The following KIAA0825 variants were observed in gnomAD, a reference collection of about 807,000 sequenced individuals.
KIAA0825 encodes KIAA0825, also known as uncharacterized protein KIAA0825.
In KIAA0825, 119 loss-of-function variants were observed where a neutral mutation model predicts 147.6. That is an observed-to-expected ratio of 0.81 (90% CI 0.69 to 0.94). KIAA0825 has a LOEUF of 0.94. Ranked by LOEUF, KIAA0825 falls within the 40% of genes least tolerant of loss-of-function variation. The pLI is 0.00. For missense variants in KIAA0825, 1,381 were observed against 1,472.7 expected, an observed-to-expected ratio of 0.94 and a Z score of 1.02; for synonymous variants, 470 against 518.1, an observed-to-expected ratio of 0.91 and a Z score of 1.26.
Position 94,403,723 on chromosome 5 carries a change from C to T in KIAA0825, c.2733G>A (p.Lys911=). ...CAGATACTATCTGCTGTACAGTGTCCTTGATGGCATCGGTCAGTGCCAGTC... is the reference window on the plus strand; with the variant it reads ...CAGATACTATCTGCTGTACAGTGTCTTTGATGGCATCGGTCAGTGCCAGTC... ...CLRLALTDAI[K]DTVQQIVSVM... The change falls in exon 16 of 21, where the codon AAG becomes AAA. Residue 911 remains lysine, a synonymous_variant. Transcript: ENST00000682413. 1 of 1,551,554 alleles carries T rather than the reference C, an allele frequency of 6.4e-7. No individual in the cohort carries two copies. Among genetic ancestry groups the T allele is most frequent in the Non-Finnish European group, 8.7e-7 (1 of 1,146,908 alleles).
chr5:94,560,361 T>C (rs544850128), intron 2 of KIAA0825, among the ~76,000 whole-genome samples: 1 of 152,336 alleles, frequency 6.6e-6, no homozygotes, highest in African/African-American at 2.4e-5. Context: ...CAAAATTTAA[T>C]TCAGAGTCTT....
chr5:94,538,071 C>T (rs1197915897), intron 2 of KIAA0825, among the ~76,000 whole-genome samples: 2 of 152,194 alleles, frequency 1.3e-5, no homozygotes, highest in Admixed American at 1.3e-4. Context: ...ATATACACTG[C>T]TGTAGAGGCT....
intron 20 of KIAA0825, among the ~76,000 whole-genome samples, chr5:94,335,563 T>C (rs1254120442): frequency 3.9e-5 from 6 of 152,132 alleles, no homozygotes; most frequent in African/African-American, 1.2e-4. Context: ...TGTAAAAATA[T>C]CATATTGGAA....
chr5:94,295,144 G>C (rs1272870032), intron 20 of KIAA0825, among the ~76,000 whole-genome samples: 2 of 151,504 alleles, frequency 1.3e-5, no homozygotes, highest in African/African-American at 4.9e-5. Context: ...CTCTAATCTT[G>C]TCTTCATGCT....
chr5:94,602,043 A>G (rs1680049194), intron 1 of KIAA0825, among the ~76,000 whole-genome samples: 1 of 152,140 alleles, frequency 6.6e-6, no homozygotes, highest in Non-Finnish European at 1.5e-5. Context: ...AATGCAGAGA[A>G]CCCTGCTAAG....
intron 7 of KIAA0825, among the ~76,000 whole-genome samples, chr5:94,475,169 C>A (rs1445633426): frequency 6.6e-6 from 1 of 151,888 alleles, no homozygotes; most frequent in Non-Finnish European, 1.5e-5. Context: ...TTGGAAGTGG[C>A]ATAGTTATAG....
chr5:94,326,387 G>A (rs950035781), intron 20 of KIAA0825, among the ~76,000 whole-genome samples: 1 of 152,070 alleles, frequency 6.6e-6, no homozygotes, highest in African/African-American at 2.4e-5. Context: ...GTGCTTCTAC[G>A]AAGCATTTAA....
At chr5:94,226,586 A>T (rs938919208) in intron 20 of KIAA0825, among the ~76,000 whole-genome samples, 4 of 152,176 alleles carry the variant, frequency 2.6e-5, no homozygotes, top group African/African-American at 9.7e-5. Context: ...TTGTGGGACT[A>T]TTCACAATAT....
chr5:94,452,768 T>G lies in KIAA0825; in HGVS notation c.2357+191A>C, dbSNP rs535093874. On this transcript the variant is annotated intron_variant, in intron 13 of 20. Coordinates refer to ENST00000682413, the MANE Select transcript of KIAA0825 (RefSeq NM_001145678.3). ...GAAAGCTATAAGCTAGTAGAATAAT[T>G]ATGAGGCCCATGCCTTTGATTCTTG... 1.3e-4 allele frequency among the ~76,000 whole-genome samples: 20 copies of G among 152,308 alleles called. No individual in the cohort carries two copies. In the East Asian group the frequency reaches 3.9e-3, roughly 29 times the overall value.
chr5:94,365,312 G>A (rs1028481355), intron 20 of KIAA0825, among the ~76,000 whole-genome samples: 2 of 152,072 alleles, frequency 1.3e-5, no homozygotes, highest in African/African-American at 2.4e-5. Flanking sequence ...GGCGTGAGAC[G>A]GCAAACCCCG....
intron 20 of KIAA0825, among the ~76,000 whole-genome samples, chr5:94,171,266 G>A (rs1048605480): frequency 1.3e-5 from 2 of 152,126 alleles, no homozygotes; most frequent in African/African-American, 2.4e-5. Flanking sequence ...CCCTGTACAA[G>A]CTCTTCTTTT....
intron 17 of KIAA0825, 72 bp downstream of exon 17, chr5:94,396,029 T>C: frequency 7.6e-7 from 1 of 1,317,180 alleles, no homozygotes; most frequent in Non-Finnish European, 1.0e-6. Context: ...GACAATATAT[T>C]GTCATTTATT....
chr5:94,290,559 G>C lies in KIAA0825; in HGVS notation c.3710+93809C>G, dbSNP rs1325649084. On this transcript the variant is annotated intron_variant, in intron 20 of 20. Transcript: ENST00000682413. ...TGATGGGCATTTGGGTTGGTTCCAA[G>C]TCTTTGCTATTGTAAATAGTGCTGC... Among the ~76,000 whole-genome samples the C allele has an allele frequency of 3.3e-5, 5 of 152,248 alleles. No homozygotes were observed. The East Asian group carries it at 7.7e-4, about 23-fold the overall frequency.
intron 14 of KIAA0825, 47 bp downstream of exon 14, chr5:94,439,935 C>A: frequency 2.6e-6 from 4 of 1,518,178 alleles, no homozygotes; most frequent in Non-Finnish European, 3.5e-6. Flanking sequence ...TCAACTCGAG[C>A]AATGACTAGG....
At chr5:94,573,934 T>A (rs1780469425) in intron 2 of KIAA0825, among the ~76,000 whole-genome samples, 1 of 152,194 alleles carries the variant, frequency 6.6e-6, no homozygotes, top group African/African-American at 2.4e-5. Flanking sequence ...CCCAGACCTC[T>A]TAGAAATTTG....
intron 5 of KIAA0825, among the ~76,000 whole-genome samples, chr5:94,518,334 C>G (rs1425128015): frequency 1.3e-5 from 2 of 152,140 alleles, no homozygotes; most frequent in Admixed American, 1.3e-4. Context: ...CTTACTGTGT[C>G]TAGCACAGAA....
intron 20 of KIAA0825, among the ~76,000 whole-genome samples, chr5:94,358,909 A>G (rs1744684003): frequency 6.6e-6 from 1 of 152,226 alleles, no homozygotes; most frequent in Admixed American, 6.5e-5. Context: ...CTTCATTATC[A>G]TCACAATCAT....
chr5:94,370,654 C>G (rs561793066), intron 20 of KIAA0825, among the ~76,000 whole-genome samples: 1 of 152,152 alleles, frequency 6.6e-6, no homozygotes, highest in East Asian at 1.9e-4. Flanking sequence ...AGCCTGTAAT[C>G]CCAGCACTTT....
intron 20 of KIAA0825, among the ~76,000 whole-genome samples, chr5:94,367,793 A>C (rs1351856338): frequency 6.6e-6 from 1 of 152,226 alleles, no homozygotes; most frequent in Non-Finnish European, 1.5e-5. Context: ...TAATTTTTAA[A>C]ACAGATTTGT....
Sources: allele counts gnomAD v4.1 joint callset (sites outside exome capture counted in the v4.1 genomes callset), GRCh38; gene constraint gnomAD v4.1.1; transcripts MANE v1.5; gene names NCBI Gene and HGNC (gene_info 2026-07-23, HGNC 2026-07-21).